Variants in LIMCH1 observed in about 807,000 individuals in gnomAD.
LIMCH1 encodes LIM and calponin homology domains 1.
In LIMCH1, 113 loss-of-function variants were observed where a neutral mutation model predicts 176.5. The ratio of observed to expected loss-of-function variants is 0.64; its 90% CI spans 0.55 to 0.75. The LOEUF (loss-of-function observed/expected upper bound fraction) is 0.75, where lower values mean the gene tolerates loss of function less well. Among genes scored for constraint, LIMCH1 ranks in the 30% least tolerant of loss-of-function variants. LIMCH1 has a pLI of 0.00. For synonymous variants in LIMCH1, 619 were observed against 645.9 expected (o/e 0.96, Z 0.63); for missense variants, 1,674 against 1,814.9 (o/e 0.92, Z 1.41).
At chr4:41,661,264 C>A (rs2094607569) in intron 18 of LIMCH1, among the ~76,000 whole-genome samples, 156 bp from the exon 19 acceptor site, 1 of 152,102 alleles carries the variant, frequency 6.6e-6, no homozygotes, top group African/African-American at 2.4e-5. Context: ...TCCTTCCAAC[C>A]AATCCAGGCT....
intron 1 of LIMCH1, among the ~76,000 whole-genome samples, chr4:41,436,730 G>T (rs147694343): frequency 1.7e-3 from 263 of 152,232 alleles, no homozygotes; most frequent in Middle Eastern, 0.01. Context: ...GTGTGTTTCA[G>T]TCCTTGTGGA....
chr4:41,424,699 A>G (rs1283511808), intron 1 of LIMCH1, among the ~76,000 whole-genome samples: 3 of 152,206 alleles, frequency 2.0e-5, no homozygotes, highest in Admixed American at 2.0e-4. Context: ...CCAAGCTTGC[A>G]TACTTTTGGG....
At chr4:41,583,554 C>T (rs1421891641) in intron 1 of LIMCH1, among the ~76,000 whole-genome samples, 1 of 152,026 alleles carries the variant, frequency 6.6e-6, no homozygotes, top group African/African-American at 2.4e-5. Flanking sequence ...TTTGAATATA[C>T]TTTTTTTTCA....
chr4:41,568,778 T>G, intron 1 of LIMCH1, among the ~76,000 whole-genome samples: 1 of 152,332 alleles, frequency 6.6e-6, no homozygotes, highest in South Asian at 2.1e-4. Context: ...ACTTTGAAAT[T>G]GATTGCAGAG....
chr4:41,424,232 C>A (rs56006699), intron 1 of LIMCH1, among the ~76,000 whole-genome samples: 26 of 152,190 alleles, frequency 1.7e-4, no homozygotes, highest in African/African-American at 5.8e-4. Context: ...AAGCAGTGAT[C>A]ATGATTCTGT....
chr4:41,619,086 C>A, intron 5 of LIMCH1, 102 bp from the exon 6 acceptor site: 1 of 1,332,706 alleles, frequency 7.5e-7, no homozygotes, highest in Non-Finnish European at 1.1e-6. Context: ...AGAAGGAATC[C>A]TCAGAACCCA....
At chr4:41,629,025 C>T (rs2093158094) in intron 8 of LIMCH1, among the ~76,000 whole-genome samples, 1 of 152,180 alleles carries the variant, frequency 6.6e-6, no homozygotes, top group Admixed American at 6.5e-5. Flanking sequence ...AACAATGTTC[C>T]AGCTATCTCC....
chr4:41,657,853 C>T (rs57183995), intron 18 of LIMCH1, among the ~76,000 whole-genome samples: 18,339 of 151,994 alleles, frequency 0.12, 1,353 homozygotes, highest in Middle Eastern at 0.26. Context: ...GTTGGGTCCC[C>T]AGGAGCCCTA....
chr4:41,614,652 C>T (rs2091867047), intron 5 of LIMCH1, among the ~76,000 whole-genome samples: 1 of 152,086 alleles, frequency 6.6e-6, no homozygotes, highest in African/African-American at 2.4e-5. Context: ...TAAGTTAATT[C>T]CTTGGTACAC....
chr4:41,491,919 C>T (rs1021870049), intron 1 of LIMCH1, among the ~76,000 whole-genome samples: 22 of 147,628 alleles, frequency 1.5e-4, no homozygotes, highest in East Asian at 1.0e-3. Context: ...ACGTCCCAGA[C>T]GGGGCGGCCG....
chr4:41,524,473 G>A, exon 3 of LIMCH1: 3 of 1,611,608 alleles, frequency 1.9e-6, no homozygotes, highest in Non-Finnish European at 1.7e-6. Context: ...CCCCATTGCA[G>A]GACTGGTGAG....
intron 1 of LIMCH1, among the ~76,000 whole-genome samples, chr4:41,433,114 A>G (rs1161945629): frequency 2.0e-5 from 3 of 152,180 alleles, no homozygotes; most frequent in Non-Finnish European, 2.9e-5. Context: ...CTAATTGGAG[A>G]AGGAAAAAAG....
At chr4:41,400,736 A>G (rs2058347240) in intron 1 of LIMCH1, among the ~76,000 whole-genome samples, 2 of 152,224 alleles carry the variant, frequency 1.3e-5, no homozygotes, top group African/African-American at 2.4e-5. Flanking sequence ...ACAGAAAATT[A>G]ATTTTAGAAT....
chr4:41,420,720 G>A (rs531107870), intron 1 of LIMCH1, among the ~76,000 whole-genome samples: 64 of 152,198 alleles, frequency 4.2e-4, no homozygotes, highest in Non-Finnish European at 8.1e-4. Flanking sequence ...ATGCTTGGCA[G>A]GTCCTCCACT....
chr4:41,661,674 C>T (rs944227257), intron 19 of LIMCH1, among the ~76,000 whole-genome samples, 164 bp downstream of exon 19: 1 of 152,086 alleles, frequency 6.6e-6, no homozygotes, highest in Non-Finnish European at 1.5e-5. Flanking sequence ...GGAAGTTCTG[C>T]CCGTATGGTT....
At chr4:41,449,338 T>A (rs1403891540) in intron 1 of LIMCH1, among the ~76,000 whole-genome samples, 1 of 152,206 alleles carries the variant, frequency 6.6e-6, no homozygotes, top group Non-Finnish European at 1.5e-5. Context: ...TCACACAGCA[T>A]ATGCCCAGGT....
intron 1 of LIMCH1, among the ~76,000 whole-genome samples, chr4:41,450,547 A>G (rs925457779): frequency 4.0e-5 from 6 of 151,888 alleles, no homozygotes; most frequent in African/African-American, 1.5e-4. Context: ...CACACCTGTA[A>G]TCCCAGCACT....
At chr4:41,403,451 C>T (rs1291312358) in intron 1 of LIMCH1, among the ~76,000 whole-genome samples, 3 of 152,002 alleles carry the variant, frequency 2.0e-5, no homozygotes, top group African/African-American at 4.8e-5. Flanking sequence ...GGTGGTGGCG[C>T]GTGTCTGTAA....
At chr4:41,434,679 G>A (rs1430877790) in intron 1 of LIMCH1, among the ~76,000 whole-genome samples, 1 of 152,126 alleles carries the variant, frequency 6.6e-6, no homozygotes, top group Non-Finnish European at 1.5e-5. Flanking sequence ...CCCATGCCCG[G>A]CTAACTTTTG....
Sources: gnomAD v4.1 joint callset for allele counts (sites outside exome capture counted in the v4.1 genomes callset) on GRCh38, gnomAD v4.1.1 for gene constraint, MANE v1.5 for transcripts, NCBI Gene and HGNC (gene_info 2026-07-23, HGNC 2026-07-21) for gene names.